The following MYBPC1 variants were observed in gnomAD, a reference collection of about 807,000 sequenced individuals.
MYBPC1 encodes myosin-binding protein C, slow-type.
MYBPC1 carries 52 observed loss-of-function variants against 147.1 expected under a neutral mutation model. The ratio of observed to expected loss-of-function variants is 0.35; its 90% confidence interval spans 0.28 to 0.45. MYBPC1 has a LOEUF of 0.45. Ranked by LOEUF, MYBPC1 falls within the 20% of genes least tolerant of loss-of-function variation. The probability of loss-of-function intolerance (pLI) is 1.00; values close to 1 mark genes in which losing one functional copy is unlikely to be tolerated. For missense variants in MYBPC1, 1,228 were observed against 1,440.3 expected (o/e 0.85, Z 2.39); for synonymous variants, 477 against 475.9 (o/e 1.00, Z -0.03).
At position 101,619,927 on chromosome 12, in the gene MYBPC1, T is replaced by C. The variant is rs1008690714; in HGVS notation, c.103+2684T>C. On this transcript the variant is annotated intron_variant, in intron 3 of 31. Coordinates refer to ENST00000361466, the MANE Select transcript of MYBPC1 (RefSeq NM_002465.4). ...GCTTTTTGAAGCCACAGAGAGTAGA[T>C]TCTAGAAGATTTAATCTTAGAAGTA... Among the ~76,000 whole-genome samples, 6 of 152,222 alleles carry C rather than the reference T, an allele frequency of 3.9e-5. No homozygotes were observed. In the South Asian group the frequency reaches 6.2e-4, roughly 16 times the overall value.
chr12:101,635,979 A>G (rs1035236211), intron 9 of MYBPC1, among the ~76,000 whole-genome samples: 10 of 152,244 alleles, frequency 6.6e-5, no homozygotes, highest in Non-Finnish European at 1.3e-4. Flanking sequence ...ACAAGAAAGC[A>G]CTTTTTTAAA....
intron 3 of MYBPC1, among the ~76,000 whole-genome samples, chr12:101,620,236 A>T (rs1179969328): frequency 6.6e-6 from 1 of 152,230 alleles, no homozygotes; most frequent in East Asian, 1.9e-4. Context: ...GAATCATACC[A>T]GGAGGCAATG....
intron 19 of MYBPC1, 96 bp downstream of exon 19, chr12:101,659,927 C>G: frequency 6.9e-7 from 1 of 1,455,426 alleles, no homozygotes; most frequent in East Asian, 2.3e-5. Flanking sequence ...CATTTCCTTC[C>G]TTTGTCTTTC....
chr12:101,663,314 T>C (rs1396811236), intron 21 of MYBPC1, 112 bp from the exon 22 acceptor site: 4 of 941,426 alleles, frequency 4.2e-6, no homozygotes, highest in Non-Finnish European at 6.9e-6. Context: ...TTCATTAAGA[T>C]GTAGGGCTTT....
chr12:101,677,986 T>A (rs367766461), intron 27 of MYBPC1, 116 bp from the exon 28 acceptor site: 1 of 1,285,520 alleles, frequency 7.8e-7, no homozygotes. Flanking sequence ...TGCTCATCTT[T>A]GTCCATGTTT....
At chr12:101,597,180 T>C (rs1565866666) in intron 1 of MYBPC1, among the ~76,000 whole-genome samples, 1 of 152,236 alleles carries the variant, frequency 6.6e-6, no homozygotes, top group Non-Finnish European at 1.5e-5. Context: ...CTGGGGTTAG[T>C]TTGATTGCAT....
chr12:101,684,358 T>C (rs1951222700), intron 30 of MYBPC1, 24 bp from the exon 31 acceptor site: 6 of 1,553,204 alleles, frequency 3.9e-6, no homozygotes, highest in Non-Finnish European at 5.3e-6. Context: ...CTTCTCTCTC[T>C]CTCCCTCTTT....
intron 3 of MYBPC1, among the ~76,000 whole-genome samples, chr12:101,621,156 C>T (rs1334710515): frequency 2.0e-5 from 3 of 152,138 alleles, no homozygotes; most frequent in South Asian, 4.1e-4. Context: ...TATTTTTGTA[C>T]GATTTACCTT....
Position 101,670,123 on chromosome 12 carries a change from CCA to C in MYBPC1, c.2525-167_2525-166del, listed in dbSNP as rs58177042. ...CTGTTAAAACATCTCTGTGTGGAAACCACACACACACACACACACACACACAC... is the reference window on the plus strand; with the variant it reads ...CTGTTAAAACATCTCTGTGTGGAAACCACACACACACACACACACACACAC... On this transcript the variant is annotated intron_variant, in intron 23 of 31. Coordinates refer to ENST00000361466, the MANE Select transcript of MYBPC1 (RefSeq NM_002465.4). 0.048 allele frequency among the ~76,000 whole-genome samples: 7,080 copies of C among 146,102 alleles called. 300 individuals carry two copies. Among genetic ancestry groups the C allele is most frequent in the East Asian group, 0.24 (1,188 of 4,956 alleles).
rs1330529341 is a variant in MYBPC1, at chr12:101,612,075, C to CA, written c.26-2411dup. Among the ~76,000 whole-genome samples the CA allele has an allele frequency of 3.0e-3, 222 of 73,216 alleles. 5 individuals are homozygous for CA. The East Asian group carries it at 0.045, about 15-fold the overall frequency. 48.0% of individuals were successfully genotyped at this position (73,216 alleles called of 152,430 possible). Reference sequence around the variant, plus strand: ...CTGGCGACAGAGCGAGACTCCATCTCAAAAAAAAAAGAAAAAAAAAAAAGA... The same window carrying CA: ...CTGGCGACAGAGCGAGACTCCATCTCAAAAAAAAAAAGAAAAAAAAAAAAGA... On this transcript the variant is annotated intron_variant, in intron 1 of 31. Coordinates refer to ENST00000361466, the MANE Select transcript of MYBPC1 (RefSeq NM_002465.4).
At chr12:101,659,568 A>G (rs1037811525) in intron 18 of MYBPC1, 104 bp from the exon 19 acceptor site, 24 of 1,174,020 alleles carry the variant, frequency 2.0e-5, no homozygotes, top group Admixed American at 1.8e-5. Flanking sequence ...TAATCTATAC[A>G]CTATACACTC....
chr12:101,597,416 T>C (rs550327827), intron 1 of MYBPC1, among the ~76,000 whole-genome samples: 1 of 152,262 alleles, frequency 6.6e-6, no homozygotes, highest in Admixed American at 6.5e-5. Flanking sequence ...TCCAGGAGGA[T>C]CTGGCAACTC....
In MYBPC1 at chr12:101,650,317, T is replaced by A. The variant is rs565596781; in HGVS notation, c.1363+891T>A. 2.6e-5 allele frequency among the ~76,000 whole-genome samples: 4 copies of A among 152,314 alleles called. No homozygotes were observed. The South Asian group carries it at 8.3e-4, about 32-fold the overall frequency. On this transcript the variant is annotated intron_variant, in intron 15 of 31. Coordinates refer to ENST00000361466, the MANE Select transcript of MYBPC1 (RefSeq NM_002465.4). ...CTCAAGAATTTTGCTGGTTTATTAG[T>A]CCGTTCTCATGCTGCTAATAAAGAC...
At chr12:101,621,157 G>A (rs576014797) in intron 3 of MYBPC1, among the ~76,000 whole-genome samples, 5 of 152,092 alleles carry the variant, frequency 3.3e-5, no homozygotes, top group African/African-American at 4.8e-5. Flanking sequence ...ATTTTTGTAC[G>A]ATTTACCTTT....
chr12:101,689,104 G>A (rs147560768), downstream of MYBPC1, among the ~76,000 whole-genome samples: 587 of 152,328 alleles, frequency 3.9e-3, 6 homozygotes, highest in African/African-American at 0.013. Flanking sequence ...GCTGGATAGT[G>A]TGGTTTATGT....
intron 8 of MYBPC1, among the ~76,000 whole-genome samples, chr12:101,634,004 C>G (rs1890491420): frequency 6.6e-6 from 1 of 151,722 alleles, no homozygotes; most frequent in Non-Finnish European, 1.5e-5. Context: ...TCACGCCATT[C>G]TCCTGCCTCA....
intron 18 of MYBPC1, among the ~76,000 whole-genome samples, chr12:101,658,461 G>A (rs1895983301): frequency 6.6e-6 from 1 of 151,902 alleles, no homozygotes; most frequent in Non-Finnish European, 1.5e-5. Flanking sequence ...GAAACTTGAC[G>A]CTTTCCTACC....
chr12:101,636,737 A>G lies in MYBPC1; in HGVS notation c.665+9A>G. The G allele has an allele frequency of 6.2e-7, 1 of 1,612,422 alleles. No individual in the cohort carries two copies. The highest frequency in any genetic ancestry group is 8.5e-7 in the Non-Finnish European group (1 of 1,178,500). On this transcript the variant is annotated intron_variant, in intron 10 of 31. Transcript: ENST00000361466. ...GGTCTCCTGAAACGTAGGTGAGAACAAAGTGATGGAGTGAGACATTGTGGC... is the reference window on the plus strand; with the variant it reads ...GGTCTCCTGAAACGTAGGTGAGAACGAAGTGATGGAGTGAGACATTGTGGC...
At chr12:101,660,097 C>T in intron 19 of MYBPC1, 1 of 484,032 alleles carries the variant, frequency 2.1e-6, no homozygotes, top group Non-Finnish European at 3.8e-6. Flanking sequence ...TAACTTCCCA[C>T]ATCACAATCA....
Sources: gnomAD v4.1 joint callset for allele counts (sites outside exome capture counted in the v4.1 genomes callset) on GRCh38, gnomAD v4.1.1 for gene constraint, MANE v1.5 for transcripts, NCBI Gene and HGNC (gene_info 2026-07-23, HGNC 2026-07-21) for gene names.